The following NRG1 variants were observed in gnomAD, a reference collection of about 807,000 sequenced individuals.
The protein encoded by NRG1 is pro-neuregulin-1, membrane-bound isoform.
NRG1 carries 18 observed loss-of-function variants against 63.8 expected under a neutral mutation model. The observed-to-expected ratio is 0.28, with a 90% CI of 0.19 to 0.42. The LOEUF (loss-of-function observed/expected upper bound fraction) is 0.42, where lower values mean the gene tolerates loss of function less well. Among genes scored for constraint, NRG1 ranks in the 10% least tolerant of loss-of-function variants. The probability of loss-of-function intolerance (pLI) is 1.00; values close to 1 mark genes in which losing one functional copy is unlikely to be tolerated. For synonymous variants in NRG1, 302 were observed against 301.3 expected (o/e 1.00, Z -0.02); for missense variants, 762 against 814.7 (o/e 0.94, Z 0.79).
At chr8:31,702,470 C>CTT (rs1810727084) in intron 1 of NRG1, among the ~76,000 whole-genome samples, 1 of 148,558 alleles carries the variant, frequency 6.7e-6, no homozygotes, top group Non-Finnish European at 1.5e-5. Flanking sequence ...TTTTTGCAGA[C>CTT]TTTTCAGGGG....
At chr8:32,741,092 G>C (rs953332142) in intron 6 of NRG1, among the ~76,000 whole-genome samples, 5 of 152,002 alleles carry the variant, frequency 3.3e-5, no homozygotes, top group African/African-American at 1.2e-4. Flanking sequence ...TACTTAAAAT[G>C]CTTTAGTTAT....
At chr8:31,837,941 G>A in intron 1 of NRG1, among the ~76,000 whole-genome samples, 1 of 151,966 alleles carries the variant, frequency 6.6e-6, no homozygotes, top group Non-Finnish European at 1.5e-5. Flanking sequence ...GCAATAACAT[G>A]AGCATGCAGA....
chr8:32,493,175 T>G (rs1399429755), intron 1 of NRG1, among the ~76,000 whole-genome samples: 1 of 152,158 alleles, frequency 6.6e-6, no homozygotes, highest in Non-Finnish European at 1.5e-5. Context: ...TTCAGATATT[T>G]ATTGTAAACC....
intron 1 of NRG1, among the ~76,000 whole-genome samples, chr8:32,393,344 T>A (rs1270416981): frequency 6.6e-6 from 1 of 152,164 alleles, no homozygotes; most frequent in Non-Finnish European, 1.5e-5. Context: ...GTTGCTGTTA[T>A]AAATTAAACT....
chr8:31,886,443 T>C (rs969159741), intron 1 of NRG1, among the ~76,000 whole-genome samples: 3 of 152,130 alleles, frequency 2.0e-5, no homozygotes, highest in Non-Finnish European at 4.4e-5. Flanking sequence ...AAATTCTTGT[T>C]CAATTTTTGA....
chr8:32,196,940 A>ATTTTTTTTTTTTTT (rs1458233142), intron 1 of NRG1, among the ~76,000 whole-genome samples: 1 of 33,994 alleles, frequency 2.9e-5, no homozygotes, highest in Non-Finnish European at 7.0e-5. Flanking sequence ...TTCTCAGAAC[A>ATTTTTTTTTTTTTT]TTCTTTTTTT....
chr8:31,776,484 A>G (rs1398735037), intron 1 of NRG1, among the ~76,000 whole-genome samples: 2 of 152,174 alleles, frequency 1.3e-5, no homozygotes, highest in African/African-American at 4.8e-5. Flanking sequence ...CTCCTCCCTC[A>G]TGCCCATGCT....
intron 1 of NRG1, among the ~76,000 whole-genome samples, chr8:32,436,073 AT>A (rs986319373): frequency 2.2e-4 from 33 of 152,286 alleles, no homozygotes; most frequent in African/African-American, 7.9e-4. Flanking sequence ...AGACTGGGTA[AT>A]TTATAAAGAA....
At chr8:32,504,041 C>T (rs982050821) in intron 1 of NRG1, among the ~76,000 whole-genome samples, 1 of 152,106 alleles carries the variant, frequency 6.6e-6, no homozygotes, top group Non-Finnish European at 1.5e-5. Flanking sequence ...GGTATTTTTT[C>T]CCTTAGCAAA....
intron 1 of NRG1, among the ~76,000 whole-genome samples, chr8:31,721,580 T>A (rs1563327968): frequency 1.3e-5 from 2 of 152,156 alleles, no homozygotes; most frequent in Non-Finnish European, 2.9e-5. Flanking sequence ...AAATTTCACA[T>A]CTTTCTTCGC....
intron 1 of NRG1, among the ~76,000 whole-genome samples, chr8:32,241,082 G>A (rs1225170942): frequency 1.3e-5 from 2 of 152,062 alleles, no homozygotes; most frequent in African/African-American, 2.4e-5. Flanking sequence ...GATTCCCAGA[G>A]GGCTTGTTTA....
intron 1 of NRG1, among the ~76,000 whole-genome samples, chr8:31,808,926 G>C (rs769348166): frequency 6.6e-6 from 1 of 151,866 alleles, no homozygotes; most frequent in Non-Finnish European, 1.5e-5. Flanking sequence ...TTGTTTTGTT[G>C]AATCAGTAAG....
chr8:32,506,384 CTG>C (rs1428759869), intron 1 of NRG1, among the ~76,000 whole-genome samples: 1 of 152,156 alleles, frequency 6.6e-6, no homozygotes, highest in East Asian at 1.9e-4. Context: ...CCCAAAGGGT[CTG>C]TAGTCTGCTG....
At chr8:32,640,369 T>G in intron 5 of NRG1, among the ~76,000 whole-genome samples, 1 of 151,766 alleles carries the variant, frequency 6.6e-6, no homozygotes, top group East Asian at 1.9e-4. Flanking sequence ...AGTTTATTCA[T>G]CCCTCTTCTA....
intron 1 of NRG1, among the ~76,000 whole-genome samples, chr8:32,503,183 A>T (rs1387641028): frequency 6.7e-6 from 1 of 148,270 alleles, no homozygotes; most frequent in Non-Finnish European, 1.5e-5. Flanking sequence ...GCTACTCAGG[A>T]GGCTGAGGCA....
At chr8:32,740,654 T>A (rs1409272535) in intron 6 of NRG1, among the ~76,000 whole-genome samples, 1 of 152,180 alleles carries the variant, frequency 6.6e-6, no homozygotes, top group African/African-American at 2.4e-5. Context: ...TGTTTAAGCT[T>A]AAACACATAC....
At chr8:32,664,907 G>A (rs1160377731) in intron 5 of NRG1, among the ~76,000 whole-genome samples, 1 of 152,134 alleles carries the variant, frequency 6.6e-6, no homozygotes, top group African/African-American at 2.4e-5. Flanking sequence ...TGCAAAATCA[G>A]TAGATTTATG....
intron 7 of NRG1, among the ~76,000 whole-genome samples, chr8:32,750,302 T>C (rs2129048757): frequency 6.6e-6 from 1 of 152,268 alleles, no homozygotes; most frequent in Non-Finnish European, 1.5e-5. Flanking sequence ...AATTTCACAC[T>C]GTCAAAGTAA....
intron 5 of NRG1, among the ~76,000 whole-genome samples, chr8:32,688,113 T>G (rs1382976444): frequency 6.6e-6 from 1 of 152,182 alleles, no homozygotes; most frequent in Non-Finnish European, 1.5e-5. Context: ...AAATAGGAAT[T>G]AGTTTTGATG....
Sources: gnomAD v4.1 joint callset for allele counts (sites outside exome capture counted in the v4.1 genomes callset) on GRCh38, gnomAD v4.1.1 for gene constraint, MANE v1.5 for transcripts, NCBI Gene and HGNC (gene_info 2026-07-23, HGNC 2026-07-21) for gene names.